The following ISM1 variants were observed in gnomAD, a reference collection of about 807,000 sequenced individuals.
ISM1 encodes isthmin 1.
A neutral mutation model predicts 46.3 loss-of-function variants in ISM1; 25 were observed. That is an observed-to-expected ratio of 0.54 (90% CI 0.39 to 0.75). The LOEUF is 0.75. Among genes scored for constraint, ISM1 ranks in the 30% least tolerant of loss-of-function variants. The pLI, the probability that ISM1 is intolerant of heterozygous loss-of-function variation, is 0.00. For synonymous variants in ISM1, 255 were observed against 256.7 expected, an observed-to-expected ratio of 0.99 and a Z score of 0.06; for missense variants, 536 against 625.4, an observed-to-expected ratio of 0.86 and a Z score of 1.52.
chr20:13,235,000 C>A (rs2039631963), intron 1 of ISM1, among the ~76,000 whole-genome samples: 1 of 152,206 alleles, frequency 6.6e-6, no homozygotes, highest in Non-Finnish European at 1.5e-5. Context: ...GTTTTTCTTG[C>A]AAGTTGCAGG....
chr20:13,242,203 T>G, intron 1 of ISM1, among the ~76,000 whole-genome samples: 1 of 151,612 alleles, frequency 6.6e-6, no homozygotes. Context: ...ACTGGGGAGG[T>G]CATCTACATG....
chr20:13,258,181 T>G (rs1042160895), intron 1 of ISM1, among the ~76,000 whole-genome samples: 1 of 152,154 alleles, frequency 6.6e-6, no homozygotes, highest in Admixed American at 6.5e-5. Flanking sequence ...CCTATTTATT[T>G]CTTGGGCACA....
chr20:13,275,510 T>G (rs1458553293), intron 2 of ISM1, among the ~76,000 whole-genome samples: 3 of 152,176 alleles, frequency 2.0e-5, no homozygotes, highest in Non-Finnish European at 4.4e-5. Context: ...GATTGGCTTG[T>G]GTTTGGGATC....
intron 1 of ISM1, among the ~76,000 whole-genome samples, chr20:13,244,738 T>G (rs897047513): frequency 6.6e-6 from 1 of 152,192 alleles, no homozygotes; most frequent in Non-Finnish European, 1.5e-5. Context: ...CCCCTTTTCA[T>G]TCCCCTAGAA....
chr20:13,264,702 A>T (rs745638487), intron 1 of ISM1, among the ~76,000 whole-genome samples: 1 of 152,198 alleles, frequency 6.6e-6, no homozygotes, highest in Non-Finnish European at 1.5e-5. Flanking sequence ...CAGTGGCTGG[A>T]GGCAGTGATT....
At chr20:13,321,474 C>T in the ISM1 span, among the ~76,000 whole-genome samples, 5 of 152,060 alleles carry the variant, frequency 3.3e-5, no homozygotes, top group African/African-American at 9.7e-5. Context: ...CGCTCTAGGA[C>T]GTTCCAGAAT....
At chr20:13,306,581 A>AAAAAAAAC in the ISM1 span, among the ~76,000 whole-genome samples, 1 of 150,716 alleles carries the variant, frequency 6.6e-6, no homozygotes, top group Non-Finnish European at 1.5e-5. Flanking sequence ...AAAAAAAAAA[A>AAAAAAAAC]AAAAAGCAAA....
intron 5 of ISM1, among the ~76,000 whole-genome samples, chr20:13,298,689 A>T (rs1461244654): frequency 6.6e-6 from 1 of 152,180 alleles, no homozygotes; most frequent in African/African-American, 2.4e-5. Flanking sequence ...AAAGTGGGGC[A>T]TTTGGAGGAA....
At chr20:13,321,261 A>T in the ISM1 span, among the ~76,000 whole-genome samples, 2 of 148,638 alleles carry the variant, frequency 1.3e-5, no homozygotes, top group Non-Finnish European at 3.0e-5. Context: ...CATAAAAAAA[A>T]AAAAAAAAAA....
intron 1 of ISM1, among the ~76,000 whole-genome samples, chr20:13,253,517 T>A (rs557065125): frequency 6.6e-6 from 1 of 152,176 alleles, no homozygotes; most frequent in Non-Finnish European, 1.5e-5. Context: ...TTACCGACTA[T>A]CAGCCACTGT....
the ISM1 span, among the ~76,000 whole-genome samples, chr20:13,321,096 G>A: frequency 6.6e-6 from 1 of 151,884 alleles, no homozygotes; most frequent in East Asian, 1.9e-4. Flanking sequence ...CAACTCAGGA[G>A]GCTGAGGCAT....
intron 1 of ISM1, among the ~76,000 whole-genome samples, chr20:13,258,648 C>T (rs1245466328): frequency 6.6e-6 from 1 of 152,100 alleles, no homozygotes; most frequent in Non-Finnish European, 1.5e-5. Context: ...TTTTCTCGAA[C>T]CTCAGTTAAC....
At position 13,288,562 on chromosome 20, in the gene ISM1, C is replaced by G. The variant is rs1419644642; in HGVS notation, c.666C>G (p.Asp222Glu). ...PEYDSTDGEG[D>E]WSLWSVCSVT... is the part of the protein sequence containing the mutation. ...CAGATTCCACAGATGGCGAGGGTGA[C>G]TGGAGTCTCTGGTCTGTCTGCAGCG... Residue 222 changes from aspartate to glutamate, a missense_variant, in exon 4 of 6, where the codon GAC (aspartate) becomes GAG (glutamate). This residue lies in a region of ISM1 where 367 missense variants were observed against 376.1 expected (regional missense o/e 0.98). Coordinates refer to ENST00000262487, the MANE Select transcript of ISM1 (RefSeq NM_080826.2). The G allele has an allele frequency of 6.2e-7, 1 of 1,613,938 alleles. No homozygotes were observed. The highest frequency in any genetic ancestry group is 2.2e-5 in the East Asian group (1 of 44,874).
the ISM1 span, among the ~76,000 whole-genome samples, chr20:13,308,523 C>T: frequency 1.3e-5 from 2 of 152,112 alleles, no homozygotes; most frequent in Non-Finnish European, 2.9e-5. Flanking sequence ...ATCAGTTTCA[C>T]TCCTGAGGGC....
intron 5 of ISM1, among the ~76,000 whole-genome samples, chr20:13,298,207 G>A (rs910221369): frequency 1.3e-5 from 2 of 152,204 alleles, no homozygotes; most frequent in Non-Finnish European, 2.9e-5. Context: ...CCAGGTTCAA[G>A]CGATTCTCCT....
intron 5 of ISM1, among the ~76,000 whole-genome samples, chr20:13,297,119 G>C (rs1332983252): frequency 6.6e-6 from 1 of 152,172 alleles, no homozygotes; most frequent in Non-Finnish European, 1.5e-5. Context: ...TGTGCTTCTG[G>C]CCTTGTCACA....
At chr20:13,321,253 TAAAAAAAA>T in the ISM1 span, among the ~76,000 whole-genome samples, 750 of 57,560 alleles carry the variant, frequency 0.013, 25 homozygotes, top group Non-Finnish European at 0.019. Context: ...GTGCCCCACA[TAAAAAAAA>T]AAAAAAAAAA....
chr20:13,285,269 T>C (rs1475495766), intron 3 of ISM1, among the ~76,000 whole-genome samples: 4 of 151,862 alleles, frequency 2.6e-5, no homozygotes, highest in African/African-American at 9.7e-5. Flanking sequence ...CCAGCCTAGG[T>C]GACAGAGTGA....
In ISM1 at chr20:13,270,540, A is replaced by T. The variant is rs763101248; in HGVS notation, c.175A>T (p.Thr59Ser). 11 of 1,613,702 alleles carry T rather than the reference A, an allele frequency of 6.8e-6. No homozygotes were observed. The highest frequency in any genetic ancestry group is 5.0e-5 in the Admixed American group (3 of 59,992). ...CGTGGGAAGTGACACCACATCAGAA[A>T]CCAGCTTTTCTCTCTCCAAAGAAGC... ...LNVGSDTTSE[T>S]SFSLSKEAPR... The change falls in exon 2 of 6, where the codon ACC becomes TCC. Residue 59 changes from threonine (T) to serine (S), a missense_variant. By Grantham distance (58) the Thr-to-Ser change is moderately conservative. Coordinates refer to ENST00000262487, the MANE Select transcript of ISM1 (RefSeq NM_080826.2).
Sources: gnomAD v4.1 joint callset for allele counts (sites outside exome capture counted in the v4.1 genomes callset) on GRCh38, gnomAD v4.1.1 for gene constraint, gnomAD v4.1.1 regional missense constraint, MANE v1.5 for transcripts, NCBI Gene and HGNC (gene_info 2026-07-23, HGNC 2026-07-21) for gene names.